AUTS2: variants seen among roughly 807,000 people sequenced by gnomAD.
AUTS2 encodes the protein autism susceptibility gene 2 protein.
A neutral mutation model predicts 112.4 loss-of-function variants in AUTS2; 17 were observed. That is an observed-to-expected ratio of 0.15 (90% CI 0.10 to 0.23). The LOEUF is 0.23. Among genes scored for constraint, AUTS2 ranks in the 10% least tolerant of loss-of-function variants. The pLI is 1.00. For missense variants in AUTS2, 1,510 were observed against 1,701.6 expected, an observed-to-expected ratio of 0.89 and a Z score of 1.98; for synonymous variants, 751 against 702.7, an observed-to-expected ratio of 1.07 and a Z score of -1.09.
chr7:69,854,030 CTT>C (rs1792607784), intron 1 of AUTS2, among the ~76,000 whole-genome samples: 1 of 152,134 alleles, frequency 6.6e-6, no homozygotes, highest in Non-Finnish European at 1.5e-5. Context: ...TACGTGTACT[CTT>C]TCTTTCTCTT....
Position 70,312,007 on chromosome 7 carries a change from C to A in AUTS2, c.661-123745C>A, listed in dbSNP as rs1341412804. ...GAGATTATAGGCATGAGCCACCGCG[C>A]CCGGCCACACTTGGCCGATTTTTGT... is the stretch of plus-strand genomic sequence containing the variant. On this transcript the variant is annotated intron_variant, in intron 4 of 18. Coordinates refer to ENST00000342771, the MANE Select transcript of AUTS2 (RefSeq NM_015570.4). Among the ~76,000 whole-genome samples, 8 of 152,208 alleles carry A rather than the reference C, an allele frequency of 5.3e-5. No homozygotes were observed. The East Asian group carries it at 5.8e-4, about 11-fold the overall frequency.
At chr7:70,653,320 C>T (rs1806607711) in intron 5 of AUTS2, among the ~76,000 whole-genome samples, 1 of 152,118 alleles carries the variant, frequency 6.6e-6, no homozygotes, top group Non-Finnish European at 1.5e-5. Context: ...ATTTCAAATG[C>T]CTTGTAAATG....
intron 1 of AUTS2, among the ~76,000 whole-genome samples, chr7:69,872,261 G>GAATTAT (rs1204496487): frequency 3.3e-5 from 5 of 152,180 alleles, no homozygotes; most frequent in Admixed American, 6.5e-5. Flanking sequence ...AGGAAAGCAT[G>GAATTAT]AATTATCTCT....
At chr7:70,531,034 C>T (rs1800062637) in intron 5 of AUTS2, among the ~76,000 whole-genome samples, 1 of 106,644 alleles carries the variant, frequency 9.4e-6, no homozygotes, top group South Asian at 2.8e-4. Flanking sequence ...ACTTGAGCAG[C>T]TGTGACAGAC....
At chr7:70,156,399 G>A (rs530321189) in intron 4 of AUTS2, among the ~76,000 whole-genome samples, 1 of 152,178 alleles carries the variant, frequency 6.6e-6, no homozygotes, top group East Asian at 1.9e-4. Context: ...GCTTTTCTCT[G>A]GGCTCAAATA....
intron 1 of AUTS2, among the ~76,000 whole-genome samples, chr7:69,782,978 TACTC>T (rs927968164): frequency 9.2e-5 from 14 of 152,278 alleles, no homozygotes; most frequent in African/African-American, 3.4e-4. Flanking sequence ...CTTTACCTCT[TACTC>T]GTACCCAAAT....
chr7:70,282,905 A>G (rs1030911683), intron 4 of AUTS2, among the ~76,000 whole-genome samples: 1 of 152,206 alleles, frequency 6.6e-6, no homozygotes, highest in African/African-American at 2.4e-5. Flanking sequence ...GATATTTTAC[A>G]GGCATTGCTA....
chr7:70,597,836 T>G (rs145222825), intron 5 of AUTS2, among the ~76,000 whole-genome samples: 2 of 152,324 alleles, frequency 1.3e-5, no homozygotes, highest in African/African-American at 4.8e-5. Flanking sequence ...AGTAACAATA[T>G]TTATGCCACT....
chr7:70,692,272 A>G (rs1229777117), intron 5 of AUTS2, among the ~76,000 whole-genome samples: 1 of 152,242 alleles, frequency 6.6e-6, no homozygotes, highest in Non-Finnish European at 1.5e-5. Flanking sequence ...CTGCCATGCC[A>G]TCGTGCTCTC....
At chr7:69,754,031 T>G (rs1219761523) in intron 1 of AUTS2, among the ~76,000 whole-genome samples, 2 of 152,248 alleles carry the variant, frequency 1.3e-5, no homozygotes, top group Non-Finnish European at 2.9e-5. Context: ...GTGACCTTTA[T>G]GAAGGCAGAG....
At chr7:70,661,879 A>G (rs965100093) in intron 5 of AUTS2, among the ~76,000 whole-genome samples, 1 of 149,874 alleles carries the variant, frequency 6.7e-6, no homozygotes, top group Non-Finnish European at 1.5e-5. Flanking sequence ...TTGTTTGAAG[A>G]AAAAAAAAAG....
chr7:70,045,769 C>T (rs1801476032), intron 2 of AUTS2, among the ~76,000 whole-genome samples: 1 of 147,328 alleles, frequency 6.8e-6, no homozygotes, highest in Non-Finnish European at 1.5e-5. Context: ...CCACCATGCT[C>T]AGCTAATTTT....
At chr7:70,076,282 TTAA>T (rs971585182) in intron 2 of AUTS2, among the ~76,000 whole-genome samples, 18 of 152,250 alleles carry the variant, frequency 1.2e-4, no homozygotes, top group African/African-American at 4.3e-4. Context: ...AAGGCTCAAG[TTAA>T]TAATAGTTTA....
At chr7:70,432,339 T>C (rs1339164168) in intron 4 of AUTS2, among the ~76,000 whole-genome samples, 1 of 152,052 alleles carries the variant, frequency 6.6e-6, no homozygotes, top group African/African-American at 2.4e-5. Flanking sequence ...TATCTAGGGA[T>C]TGAGGAGCAG....
intron 1 of AUTS2, among the ~76,000 whole-genome samples, chr7:69,750,040 T>G (rs919996297): frequency 2.6e-5 from 4 of 152,224 alleles, no homozygotes; most frequent in African/African-American, 4.8e-5. Context: ...CTGAATAACC[T>G]GCAGATATTC....
In AUTS2 at chr7:69,860,976, C is replaced by G. The variant is rs1315754699; in HGVS notation, c.310-38310C>G. On this transcript the variant is annotated intron_variant, in intron 1 of 18. Transcript: ENST00000342771. Reference sequence around the variant, plus strand: ...ATTTCATTGTAATGGACATGGCACTCAAAACCTGGGAATCGACTCATTGAA... The same window carrying G: ...ATTTCATTGTAATGGACATGGCACTGAAAACCTGGGAATCGACTCATTGAA... 2.0e-5 allele frequency among the ~76,000 whole-genome samples: 3 copies of G among 152,132 alleles called. No homozygotes were observed. In the East Asian group the frequency reaches 5.8e-4, roughly 29 times the overall value.
intron 5 of AUTS2, among the ~76,000 whole-genome samples, chr7:70,675,962 G>A (rs143856838): frequency 6.6e-6 from 1 of 152,256 alleles, no homozygotes; most frequent in Non-Finnish European, 1.5e-5. Context: ...CCGCTCCATG[G>A]GGCAGTGTCA....
chr7:69,782,096 G>A (rs375741647), intron 1 of AUTS2, among the ~76,000 whole-genome samples: 26 of 152,286 alleles, frequency 1.7e-4, no homozygotes, highest in East Asian at 7.7e-4. Flanking sequence ...TTCGCGGCCC[G>A]GCTCACACCT....
At chr7:69,988,491 A>G (rs1017237316) in intron 2 of AUTS2, among the ~76,000 whole-genome samples, 4 of 152,188 alleles carry the variant, frequency 2.6e-5, no homozygotes, top group Admixed American at 2.0e-4. Context: ...TCTCATAATT[A>G]TGCATCACTT....
Sources: allele counts gnomAD v4.1 joint callset (sites outside exome capture counted in the v4.1 genomes callset), GRCh38; gene constraint gnomAD v4.1.1; transcripts MANE v1.5; gene names NCBI Gene and HGNC (gene_info 2026-07-23, HGNC 2026-07-21).